LRRC69: variants seen among roughly 807,000 people sequenced by gnomAD.
The protein encoded by LRRC69 is leucine rich repeat containing 69, also known as leucine-rich repeat-containing protein 69.
LRRC69 carries 42 observed loss-of-function variants against 37.8 expected under a neutral mutation model. The observed-to-expected ratio is 1.11, with a 90% CI of 0.87 to 1.44. LRRC69 has a LOEUF of 1.44. LRRC69 is among the 40% of genes most tolerant of loss of function. LRRC69 has a pLI of 0.00. For missense variants in LRRC69, 357 were observed against 401.9 expected, an observed-to-expected ratio of 0.89 and a Z score of 0.96; for synonymous variants, 141 against 143.1, an observed-to-expected ratio of 0.99 and a Z score of 0.11.
At chr8:91,197,770 T>C (rs984643413) in intron 6 of LRRC69, among the ~76,000 whole-genome samples, 2 of 151,542 alleles carry the variant, frequency 1.3e-5, no homozygotes, top group African/African-American at 4.9e-5. Context: ...ATGAACCCGG[T>C]ACCTCAGATG....
At chr8:91,130,320 G>T (rs1422733364) in intron 3 of LRRC69, 1 of 152,060 alleles carries the variant, frequency 6.6e-6, no homozygotes, top group Non-Finnish European at 1.5e-5. Context: ...ACTCACCCAG[G>T]CTGGAGTGCA....
At chr8:91,184,992 G>A (rs926781614) in intron 5 of LRRC69, among the ~76,000 whole-genome samples, 4 of 152,166 alleles carry the variant, frequency 2.6e-5, no homozygotes, top group Admixed American at 2.6e-4. Flanking sequence ...GGTTGTAAGA[G>A]GGGGAGTGAA....
At chr8:91,158,087 G>T in intron 5 of LRRC69, 4 of 1,489,084 alleles carry the variant, frequency 2.7e-6, no homozygotes, top group Admixed American at 1.7e-5. Flanking sequence ...TGCCCATGGG[G>T]TACAAACGGA....
chr8:91,176,745 C>T (rs575519093), intron 5 of LRRC69, among the ~76,000 whole-genome samples: 36 of 152,294 alleles, frequency 2.4e-4, no homozygotes, highest in African/African-American at 7.9e-4. Flanking sequence ...CTCCCTCCCT[C>T]CACCTTTTTG....
intron 6 of LRRC69, among the ~76,000 whole-genome samples, chr8:91,197,075 C>T (rs1809616964): frequency 6.6e-6 from 1 of 151,874 alleles, no homozygotes; most frequent in African/African-American, 2.4e-5. Flanking sequence ...GGACCCTCAG[C>T]TGCAGGTCTG....
At chr8:91,194,806 A>T (rs1452190148) in intron 6 of LRRC69, among the ~76,000 whole-genome samples, 1 of 151,968 alleles carries the variant, frequency 6.6e-6, no homozygotes, top group Non-Finnish European at 1.5e-5. Context: ...TCCTGGATTC[A>T]TTAATTTTTT....
chr8:91,128,543 A>G (rs949283709), intron 3 of LRRC69, among the ~76,000 whole-genome samples: 4 of 151,944 alleles, frequency 2.6e-5, no homozygotes, highest in Non-Finnish European at 5.9e-5. Flanking sequence ...TCCATTTCTG[A>G]GCCTGGGAAA....
intron 4 of LRRC69, among the ~76,000 whole-genome samples, chr8:91,134,888 G>T (rs186579426): frequency 6.6e-6 from 1 of 152,024 alleles, no homozygotes; most frequent in East Asian, 1.9e-4. Flanking sequence ...CTTTGTCCTT[G>T]CCTATTTGTG....
intron 5 of LRRC69, among the ~76,000 whole-genome samples, chr8:91,149,691 A>G (rs1298608787): frequency 6.6e-6 from 1 of 151,894 alleles, no homozygotes; most frequent in Non-Finnish European, 1.5e-5. Flanking sequence ...GGCCATTTTC[A>G]TGATATTGAT....
At chr8:91,118,571 G>C (rs7844277) in intron 1 of LRRC69, 167,653 of 234,850 alleles carry the variant, frequency 0.71, 60,963 homozygotes, top group Middle Eastern at 0.8. Context: ...CTATAATTCC[G>C]TGGCTCATGG....
At chr8:91,202,215 CA>C (rs1051236757) in intron 7 of LRRC69, among the ~76,000 whole-genome samples, 1 of 150,894 alleles carries the variant, frequency 6.6e-6, no homozygotes, top group Non-Finnish European at 1.5e-5. Context: ...AAAACAAAAA[CA>C]AAAACAAAAA....
rs559889292 is a variant in LRRC69 at position 91,167,626 on chromosome 8, G to A, written c.652-21896G>A. 5.7e-4 allele frequency among the ~76,000 whole-genome samples: 86 copies of A among 152,072 alleles called. 2 individuals are homozygous for A. In the Middle Eastern group the frequency reaches 0.01, roughly 18 times the overall value. On this transcript the variant is annotated intron_variant, in intron 5 of 7. Transcript: ENST00000448384. The stretch of plus-strand genomic sequence containing the variant: ...TTTAACACAATCAGCTCCCTGGGGC[G>A]CCAGAGCGGAACCCTCGTTTGTAGC...
At chr8:91,194,878 T>C (rs1324666472) in intron 6 of LRRC69, among the ~76,000 whole-genome samples, 15 of 151,892 alleles carry the variant, frequency 9.9e-5, no homozygotes, top group African/African-American at 3.4e-4. Flanking sequence ...TTTCTTGCCT[T>C]CTGCTAGCTT....
At chr8:91,115,346 A>G (rs1435309503) in intron 1 of LRRC69, among the ~76,000 whole-genome samples, 4 of 152,004 alleles carry the variant, frequency 2.6e-5, no homozygotes, top group African/African-American at 9.7e-5. Flanking sequence ...GGCAGGTAAC[A>G]TATGAGAAAA....
At chr8:91,179,790 A>G (rs1047046272) in intron 5 of LRRC69, among the ~76,000 whole-genome samples, 1 of 152,252 alleles carries the variant, frequency 6.6e-6, no homozygotes, top group Non-Finnish European at 1.5e-5. Flanking sequence ...TACAAAGAAT[A>G]AGAAATCGTT....
chr8:91,119,926 A>G (rs1339901834), intron 1 of LRRC69, among the ~76,000 whole-genome samples: 1 of 151,814 alleles, frequency 6.6e-6, no homozygotes, highest in African/African-American at 2.4e-5. Context: ...CATCTTCTAA[A>G]GGATTTTGAT....
In LRRC69 at chr8:91,106,650, G is replaced by A. The variant is rs184986886; in HGVS notation, c.183+3806G>A. ...TGAGGTCTCCTTGGAGGTTGCTTTCGGCTCTATTGTATTATTATTCTATAT... is the reference window on the plus strand; with the variant it reads ...TGAGGTCTCCTTGGAGGTTGCTTTCAGCTCTATTGTATTATTATTCTATAT... On this transcript the variant is annotated intron_variant, in intron 1 of 7. Coordinates refer to ENST00000448384, the Ensembl canonical transcript of LRRC69. 8.6e-5 allele frequency among the ~76,000 whole-genome samples: 13 copies of A among 151,978 alleles called. No homozygotes were observed. The East Asian group carries it at 2.1e-3, about 25-fold the overall frequency.
rs1813731204 is a variant in LRRC69, at chr8:91,127,130, A to G, written c.353A>G (p.His118Arg). The change falls in exon 3 of 8, where the codon CAT becomes CGT. Residue 118 changes from histidine (H) to arginine (R), a missense_variant. Physicochemically the swap from His to Arg is conservative, Grantham distance 29. Coordinates refer to ENST00000448384, the Ensembl canonical transcript of LRRC69. ...ATCCTGCTTAATCTGAACAACAATC[A>G]TCTTACGCAGCTTCCTCAAGAAGTC... 3.2e-6 allele frequency: 5 copies of G among 1,548,670 alleles called. No individual in the cohort carries two copies. The South Asian group carries it at 3.6e-5, about 11-fold the overall frequency.
chr8:91,217,993 G>C (rs944306085), intron 7 of LRRC69, among the ~76,000 whole-genome samples: 7 of 152,094 alleles, frequency 4.6e-5, no homozygotes, highest in African/African-American at 1.7e-4. Flanking sequence ...TTAGAAGGCT[G>C]TTACTCTCTC....
Sources: gnomAD v4.1 joint callset for allele counts (sites outside exome capture counted in the v4.1 genomes callset) on GRCh38, gnomAD v4.1.1 for gene constraint, MANE v1.5 for transcripts, NCBI Gene and HGNC (gene_info 2026-07-23, HGNC 2026-07-21) for gene names.